RELN: variants seen among roughly 807,000 people sequenced by gnomAD.
RELN encodes the protein reelin.
A neutral mutation model predicts 427.6 loss-of-function variants in RELN; 108 were observed. The ratio of observed to expected loss-of-function variants is 0.25; its 90% confidence interval spans 0.22 to 0.30. The LOEUF is 0.30. RELN is among the 10% of genes least tolerant of loss of function. The pLI, the probability that RELN is intolerant of heterozygous loss-of-function variation, is 1.00. For missense variants in RELN, 3,715 were observed against 4,302.8 expected, an observed-to-expected ratio of 0.86 and a Z score of 3.82; for synonymous variants, 1,524 against 1,513.4, an observed-to-expected ratio of 1.01 and a Z score of -0.16.
chr7:103,720,138 T>C (rs183935127), intron 8 of RELN, among the ~76,000 whole-genome samples: 246 of 151,614 alleles, frequency 1.6e-3, no homozygotes, highest in African/African-American at 5.6e-3. Context: ...TATGTATACA[T>C]ATATAATGTA....
chr7:103,726,661 A>C (rs1202283013), intron 7 of RELN, among the ~76,000 whole-genome samples: 2 of 152,134 alleles, frequency 1.3e-5, no homozygotes, highest in African/African-American at 4.8e-5. Flanking sequence ...AACCAGTGGC[A>C]ACAAAAATAA....
chr7:103,806,906 G>T (rs1203463355), intron 3 of RELN, among the ~76,000 whole-genome samples: 1 of 152,052 alleles, frequency 6.6e-6, no homozygotes, highest in Non-Finnish European at 1.5e-5. Context: ...CTGACACCTA[G>T]TGTTACAGGC....
At chr7:103,678,629 C>T (rs1833590226) in intron 11 of RELN, among the ~76,000 whole-genome samples, 1 of 152,194 alleles carries the variant, frequency 6.6e-6, no homozygotes. Context: ...GCTCTCTTTT[C>T]TTCCTTGCCA....
At chr7:103,880,719 C>T (rs1241341378) in intron 2 of RELN, among the ~76,000 whole-genome samples, 1 of 152,136 alleles carries the variant, frequency 6.6e-6, no homozygotes, top group East Asian at 1.9e-4. Context: ...CAGAGTCTAC[C>T]TCTGTCATGC....
At chr7:103,840,699 C>A (rs538346734) in intron 2 of RELN, among the ~76,000 whole-genome samples, 1 of 152,220 alleles carries the variant, frequency 6.6e-6, no homozygotes, top group East Asian at 1.9e-4. Context: ...CTTTTTAATG[C>A]CTTTTGTACC....
intron 12 of RELN, among the ~76,000 whole-genome samples, chr7:103,657,505 C>G (rs76351952): frequency 1.3e-5 from 2 of 151,964 alleles, no homozygotes; most frequent in African/African-American, 2.4e-5. Context: ...TACCTAATGA[C>G]GCAGGCACTG....
chr7:103,529,445 C>A (rs1440031578), intron 46 of RELN, among the ~76,000 whole-genome samples: 1 of 151,956 alleles, frequency 6.6e-6, no homozygotes, highest in Non-Finnish European at 1.5e-5. Context: ...CCACTCCCCT[C>A]CTCCCTTTCT....
At chr7:103,556,859 G>A in intron 38 of RELN, 118 bp downstream of exon 38, 1 of 848,220 alleles carries the variant, frequency 1.2e-6, no homozygotes, top group East Asian at 2.4e-5. Flanking sequence ...CATGTAAAAT[G>A]TGTGTGCTGT....
chr7:103,524,882 G>C (rs932224444), intron 46 of RELN, among the ~76,000 whole-genome samples: 1 of 152,074 alleles, frequency 6.6e-6, no homozygotes, highest in Non-Finnish European at 1.5e-5. Context: ...CCAGCAGAGT[G>C]ATCTCTGCCT....
chr7:103,586,493 C>T (rs933981215), intron 28 of RELN, among the ~76,000 whole-genome samples: 6 of 152,166 alleles, frequency 3.9e-5, no homozygotes, highest in African/African-American at 1.4e-4. Flanking sequence ...GATGCTCACC[C>T]TCTCTACTCC....
chr7:103,805,525 C>A (rs1417914306), intron 3 of RELN, among the ~76,000 whole-genome samples: 2 of 152,100 alleles, frequency 1.3e-5, no homozygotes, highest in Non-Finnish European at 2.9e-5. Context: ...AAACAACATG[C>A]CAAAGTGTGT....
chr7:103,643,597 G>C (rs1832737537), intron 16 of RELN, among the ~76,000 whole-genome samples: 1 of 151,782 alleles, frequency 6.6e-6, no homozygotes, highest in Non-Finnish European at 1.5e-5. Context: ...TGCACATTGT[G>C]CACATGTACC....
At position 103,682,030 on chromosome 7, in the gene RELN, G is replaced by A. The variant is rs546950307; in HGVS notation, c.1289+86C>T. Reference sequence around the variant, plus strand: ...TCAGTATTGATCTAAGTATGCTTTCGCCATTTAACAATATGCATTTAAAAC... The same window carrying A: ...TCAGTATTGATCTAAGTATGCTTTCACCATTTAACAATATGCATTTAAAAC... On this transcript the variant is annotated intron_variant, in intron 11 of 64. Transcript: ENST00000428762. The A allele has an allele frequency of 2.0e-5, 26 of 1,292,638 alleles. No homozygotes were observed. The East Asian group carries it at 2.5e-4, about 13-fold the overall frequency. The allele number at this position is 1,292,638 out of a possible 1,614,324, so 80.1% of individuals were successfully genotyped here.
At chr7:103,812,260 C>T (rs1397002740) in intron 3 of RELN, among the ~76,000 whole-genome samples, 5 of 152,184 alleles carry the variant, frequency 3.3e-5, no homozygotes, top group Non-Finnish European at 7.3e-5. Flanking sequence ...CCCAGACCCT[C>T]AGAAACTGAG....
chr7:103,520,398 C>T (rs896847412), intron 48 of RELN, among the ~76,000 whole-genome samples: 1 of 152,042 alleles, frequency 6.6e-6, no homozygotes, highest in Non-Finnish European at 1.5e-5. Flanking sequence ...GCCTCCGCCT[C>T]CCGAGTAGCT....
At chr7:103,608,256 G>A (rs940970239) in intron 22 of RELN, among the ~76,000 whole-genome samples, 1 of 152,110 alleles carries the variant, frequency 6.6e-6, no homozygotes, top group Admixed American at 6.6e-5. Context: ...TTATTTTTAT[G>A]GCAGAGCTTT....
At chr7:103,492,708 G>A (rs1243395358) in intron 57 of RELN, among the ~76,000 whole-genome samples, 2 of 152,106 alleles carry the variant, frequency 1.3e-5, no homozygotes, top group Non-Finnish European at 2.9e-5. Context: ...TAATGATAGT[G>A]GGAATCATAA....
At chr7:103,579,444 CA>C (rs1831077817) in intron 28 of RELN, among the ~76,000 whole-genome samples, 1 of 151,852 alleles carries the variant, frequency 6.6e-6, no homozygotes, top group Admixed American at 6.6e-5. Context: ...ACTAAAAATA[CA>C]AAAATTAGCT....
At chr7:103,893,553 T>C (rs774606909) in intron 2 of RELN, among the ~76,000 whole-genome samples, 1 of 152,198 alleles carries the variant, frequency 6.6e-6, no homozygotes, top group Non-Finnish European at 1.5e-5. Flanking sequence ...ATGCAAATTT[T>C]ATATGCTAAA....
Sources: allele counts gnomAD v4.1 joint callset (sites outside exome capture counted in the v4.1 genomes callset), GRCh38; gene constraint gnomAD v4.1.1; transcripts MANE v1.5; gene names NCBI Gene and HGNC (gene_info 2026-07-23, HGNC 2026-07-21).